The following MYRIP variants were observed in gnomAD, a reference collection of about 807,000 sequenced individuals.
MYRIP encodes the protein myosin VIIA and Rab interacting protein.
MYRIP carries 49 observed loss-of-function variants against 98.0 expected under a neutral mutation model. The ratio of observed to expected loss-of-function variants is 0.50; its 90% CI spans 0.40 to 0.63. The LOEUF is 0.63. Ranked by LOEUF, MYRIP falls within the 30% of genes least tolerant of loss-of-function variation. The probability of loss-of-function intolerance (pLI) is 0.00; values close to 1 mark genes in which losing one functional copy is unlikely to be tolerated. For synonymous variants in MYRIP, 404 were observed against 409.5 expected, an observed-to-expected ratio of 0.99 and a Z score of 0.16; for missense variants, 1,004 against 1,058.2, an observed-to-expected ratio of 0.95 and a Z score of 0.71.
chr3:40,066,962 T>A (rs974653699), intron 3 of MYRIP, among the ~76,000 whole-genome samples: 1 of 152,204 alleles, frequency 6.6e-6, no homozygotes, highest in African/African-American at 2.4e-5. Context: ...GCAACTTTTA[T>A]GTCCTTTTTG....
chr3:40,125,662 T>C (rs572324671), intron 3 of MYRIP, among the ~76,000 whole-genome samples: 11 of 152,198 alleles, frequency 7.2e-5, no homozygotes, highest in Non-Finnish European at 1.5e-4. Context: ...TTCAGCCTCA[T>C]TTTCCTTCTC....
chr3:39,935,160 A>G (rs115470568), intron 2 of MYRIP, among the ~76,000 whole-genome samples: 252 of 152,266 alleles, frequency 1.7e-3, no homozygotes, highest in African/African-American at 5.7e-3. Context: ...GGACTGCACT[A>G]TTGGTTTAAG....
rs1044583739 is a variant in MYRIP at position 40,247,337 on chromosome 3, G to A, written c.2262+2730G>A. On this transcript the variant is annotated intron_variant, in intron 13 of 16. Transcript: ENST00000302541. The stretch of plus-strand genomic sequence containing the variant: ...CAATAATTCCCAATGTTCTGTGAGC[G>A]TTATTTTGTACTAGGTATTTGTCCT... Among the ~76,000 whole-genome samples, 191 of 151,980 alleles carry A rather than the reference G, an allele frequency of 1.3e-3. 1 individual carries two copies. The highest frequency in any genetic ancestry group is 4.3e-3 in the African/African-American group (179 of 41,438).
intron 3 of MYRIP, among the ~76,000 whole-genome samples, chr3:40,122,116 G>C (rs1318462900): frequency 6.6e-6 from 1 of 151,978 alleles, no homozygotes; most frequent in Non-Finnish European, 1.5e-5. Context: ...TTTACTCTTT[G>C]CTTATCTCAT....
chr3:39,997,760 A>G (rs1227370848), intron 2 of MYRIP, among the ~76,000 whole-genome samples: 3 of 152,204 alleles, frequency 2.0e-5, no homozygotes, highest in African/African-American at 4.8e-5. Context: ...AATATCCCTA[A>G]TGAACATCGA....
chr3:40,151,386 C>CTTA (rs1463206885), intron 4 of MYRIP, among the ~76,000 whole-genome samples: 1 of 152,232 alleles, frequency 6.6e-6, no homozygotes, highest in Non-Finnish European at 1.5e-5. Flanking sequence ...AGCGTCCCCA[C>CTTA]TGGGCTAGAG....
chr3:40,051,545 C>T (rs1426656854), intron 3 of MYRIP, among the ~76,000 whole-genome samples: 2 of 152,036 alleles, frequency 1.3e-5, no homozygotes, highest in Non-Finnish European at 2.9e-5. Flanking sequence ...ATTTGTGTGA[C>T]TCACTTTTTT....
intron 2 of MYRIP, among the ~76,000 whole-genome samples, chr3:39,957,321 T>C (rs182192542): frequency 5.9e-5 from 9 of 151,886 alleles, no homozygotes; most frequent in African/African-American, 2.2e-4. Flanking sequence ...ATCAAAAAGC[T>C]TATCTACCAT....
At chr3:40,048,661 G>C (rs1280335316) in intron 3 of MYRIP, among the ~76,000 whole-genome samples, 1 of 151,898 alleles carries the variant, frequency 6.6e-6, no homozygotes, top group Non-Finnish European at 1.5e-5. Flanking sequence ...ATTTTTTTCT[G>C]TTTGATTATT....
At chr3:40,029,264 T>C (rs1414695260) in intron 2 of MYRIP, among the ~76,000 whole-genome samples, 1 of 152,202 alleles carries the variant, frequency 6.6e-6, no homozygotes, top group Non-Finnish European at 1.5e-5. Context: ...CTGTTCTGTC[T>C]CCCTGTTAAC....
intron 2 of MYRIP, among the ~76,000 whole-genome samples, chr3:40,036,676 C>T (rs931920934): frequency 6.6e-6 from 1 of 152,038 alleles, no homozygotes; most frequent in East Asian, 1.9e-4. Flanking sequence ...ACCAGATGCA[C>T]GAGATGCTGG....
At chr3:40,238,617 G>T (rs534401738) in intron 12 of MYRIP, 1 of 152,360 alleles carries the variant, frequency 6.6e-6, no homozygotes, top group South Asian at 2.1e-4. Context: ...AAGACTCCCA[G>T]CTCTGCCCAG....
intron 10 of MYRIP, among the ~76,000 whole-genome samples, chr3:40,207,458 A>G (rs1951817044): frequency 1.3e-5 from 2 of 152,192 alleles, no homozygotes; most frequent in African/African-American, 4.8e-5. Flanking sequence ...AGGACCAGAA[A>G]AAAAAATAGT....
chr3:40,106,816 G>A (rs1186329949), intron 3 of MYRIP, among the ~76,000 whole-genome samples: 2 of 151,182 alleles, frequency 1.3e-5, no homozygotes, highest in African/African-American at 4.9e-5. Flanking sequence ...TTATTTAATG[G>A]GCTTTTCCTG....
chr3:40,166,788 C>A (rs1336893773), intron 5 of MYRIP, 58 bp from the exon 6 acceptor site: 3 of 1,172,750 alleles, frequency 2.6e-6, no homozygotes, highest in Non-Finnish European at 2.6e-6. Context: ...AGAGCTTGAA[C>A]AATCGTTTTA....
chr3:40,179,783 CACA>C lies in MYRIP; in HGVS notation c.874-2434_874-2432del, dbSNP rs1950845039. 3.3e-5 allele frequency among the ~76,000 whole-genome samples: 5 copies of C among 152,298 alleles called. No individual in the cohort carries two copies. The South Asian group carries it at 1.0e-3, about 32-fold the overall frequency. On this transcript the variant is annotated intron_variant, in intron 8 of 16. Transcript: ENST00000302541. ...GTGTGGAAGACACAGCAAGTCAGTG[CACA>C]ACGATAACAGTGTGGACAGAGCTGT...
chr3:40,180,126 A>G (rs2125613836), intron 8 of MYRIP, among the ~76,000 whole-genome samples: 1 of 152,316 alleles, frequency 6.6e-6, no homozygotes, highest in South Asian at 2.1e-4. Context: ...CTCAGAATGA[A>G]GGAGATGACA....
intron 2 of MYRIP, among the ~76,000 whole-genome samples, chr3:39,962,777 G>A (rs1037286772): frequency 3.9e-5 from 6 of 152,076 alleles, no homozygotes; most frequent in Non-Finnish European, 7.4e-5. Context: ...AGTGTGGGCT[G>A]TGACTTAGAA....
chr3:40,189,791 C>A lies in MYRIP; in HGVS notation c.1028-35C>A, dbSNP rs114415936. On this transcript the variant is annotated intron_variant, in intron 9 of 16. Coordinates refer to ENST00000302541, the MANE Select transcript of MYRIP (RefSeq NM_015460.4). ...TCATCTTGCATTAAAGTGATAACAG[C>A]CCCTCTCTGCTTTCTCTATCCTCTC... is the stretch of plus-strand genomic sequence containing the variant. 821 of 1,552,844 alleles carry A rather than the reference C, an allele frequency of 5.3e-4. 7 individuals carry two copies. The African/African-American group carries it at 9.6e-3, about 18-fold the overall frequency.
Sources: allele counts gnomAD v4.1 joint callset (sites outside exome capture counted in the v4.1 genomes callset), GRCh38; gene constraint gnomAD v4.1.1; transcripts MANE v1.5; gene names NCBI Gene and HGNC (gene_info 2026-07-23, HGNC 2026-07-21).